RFX7: variants seen among roughly 807,000 people sequenced by gnomAD.
RFX7 encodes DNA-binding protein RFX7.
Under a neutral mutation model 111.8 loss-of-function variants are expected in RFX7, and 26 were observed. The ratio of observed to expected loss-of-function variants is 0.23; its 90% CI spans 0.17 to 0.32. The LOEUF is 0.32. RFX7 is among the 10% of genes least tolerant of loss of function. The probability of loss-of-function intolerance (pLI) is 1.00; values close to 1 mark genes in which losing one functional copy is unlikely to be tolerated. For synonymous variants in RFX7, 624 were observed against 624.4 expected, an observed-to-expected ratio of 1.00 and a Z score of 0.01; for missense variants, 1,573 against 1,772.9, an observed-to-expected ratio of 0.89 and a Z score of 2.02.
At chr15:56,244,822 C>A (rs1392939627), upstream of RFX7, among the ~76,000 whole-genome samples, 3 of 151,912 alleles carry the variant, frequency 2.0e-5, no homozygotes, top group East Asian at 5.8e-4. Context: ...GCACCATTCC[C>A]CCCCTTCCCA....
At chr15:56,225,483 G>A (rs2043472508) in intron 2 of RFX7, among the ~76,000 whole-genome samples, 1 of 152,094 alleles carries the variant, frequency 6.6e-6, no homozygotes, top group South Asian at 2.1e-4. Context: ...AACAATTATA[G>A]AGATTTTATT....
chr15:56,109,880 C>T (rs867579749), intron 5 of RFX7, among the ~76,000 whole-genome samples: 1 of 151,818 alleles, frequency 6.6e-6, no homozygotes, highest in Non-Finnish European at 1.5e-5. Flanking sequence ...TGAGGAGTGT[C>T]TCCGCCCGGC....
At position 56,088,468 on chromosome 15, in the gene RFX7, C is replaced by A. The variant is rs374547482; in HGVS notation, c.*4877G>T. On this transcript the variant is annotated 3_prime_UTR_variant, in exon 10 of 10. Transcript: ENST00000559447. ...CATGATATATTTTATTTATATGACT[C>A]TCTTCTCCTCTCCAAGAATTAAGTA... 6.6e-6 allele frequency: 1 copy of A among 152,120 alleles called. No homozygotes were observed. The highest frequency in any genetic ancestry group is 1.5e-5 in the Non-Finnish European group (1 of 68,014). The allele number at this position is 152,120 out of a possible 1,614,324, so 9.4% of individuals were successfully genotyped here. A position where few individuals can be genotyped will look rare whatever the true frequency, so the allele number is the denominator to read the frequency against.
At chr15:56,139,613 G>A (rs189563080) in intron 5 of RFX7, among the ~76,000 whole-genome samples, 1 of 152,342 alleles carries the variant, frequency 6.6e-6, no homozygotes, top group East Asian at 1.9e-4. Flanking sequence ...TCTTCTCTCT[G>A]CTCCTCAAAG....
chr15:56,193,629 A>G (rs1468556920), intron 2 of RFX7, among the ~76,000 whole-genome samples: 1 of 152,196 alleles, frequency 6.6e-6, no homozygotes, highest in Non-Finnish European at 1.5e-5. Context: ...TATTACATTT[A>G]TGGAACATGC....
chr15:56,123,008 G>A (rs926716893), intron 5 of RFX7, among the ~76,000 whole-genome samples: 4 of 151,842 alleles, frequency 2.6e-5, no homozygotes, highest in Non-Finnish European at 5.9e-5. Flanking sequence ...TAAGAGCCAA[G>A]GCCTGGAATC....
At chr15:56,110,015 C>T (rs1340377912) in intron 5 of RFX7, among the ~76,000 whole-genome samples, 2 of 117,874 alleles carry the variant, frequency 1.7e-5, no homozygotes, top group African/African-American at 3.3e-5. Context: ...AGGCGAGGGG[C>T]GCCTCTGCCC....
At chr15:56,176,753 CA>C (rs1242265026) in intron 3 of RFX7, among the ~76,000 whole-genome samples, 1 of 152,050 alleles carries the variant, frequency 6.6e-6, no homozygotes, top group Non-Finnish European at 1.5e-5. Context: ...TATCAGCAAG[CA>C]AGGCCTACTA....
At chr15:56,124,509 G>A (rs574693407) in intron 5 of RFX7, among the ~76,000 whole-genome samples, 1 of 151,438 alleles carries the variant, frequency 6.6e-6, no homozygotes, top group East Asian at 1.9e-4. Context: ...CCTTTTCTTT[G>A]CATCCTCTCC....
chr15:56,162,805 C>T (rs1337749107), intron 3 of RFX7, among the ~76,000 whole-genome samples: 1 of 152,046 alleles, frequency 6.6e-6, no homozygotes, highest in Non-Finnish European at 1.5e-5. Context: ...CAAAACCAAA[C>T]AAGCTATTTA....
At chr15:56,127,939 G>T (rs896453771) in intron 5 of RFX7, among the ~76,000 whole-genome samples, 4 of 149,810 alleles carry the variant, frequency 2.7e-5, no homozygotes, top group Non-Finnish European at 5.9e-5. Flanking sequence ...AATCATGAAT[G>T]AAAACGGAGG....
At chr15:56,132,806 A>G (rs10851602) in intron 5 of RFX7, among the ~76,000 whole-genome samples, 148,098 of 152,164 alleles carry the variant, frequency 0.97, 72,198 homozygotes, top group East Asian at 1. Flanking sequence ...CATATCAGAA[A>G]GAAATGCATT....
At chr15:56,134,332 C>T (rs1170862570) in intron 5 of RFX7, among the ~76,000 whole-genome samples, 1 of 152,134 alleles carries the variant, frequency 6.6e-6, no homozygotes, top group Non-Finnish European at 1.5e-5. Flanking sequence ...GCTCTAATCA[C>T]TCTTACTATA....
chr15:56,149,676 T>A (rs1296187700), intron 3 of RFX7, among the ~76,000 whole-genome samples: 10 of 152,192 alleles, frequency 6.6e-5, no homozygotes, highest in African/African-American at 2.4e-4. Context: ...GACACTGCGC[T>A]TGTCCCATGG....
chr15:56,161,221 C>T (rs1417636000), intron 3 of RFX7, among the ~76,000 whole-genome samples: 2 of 152,026 alleles, frequency 1.3e-5, no homozygotes, highest in African/African-American at 2.4e-5. Flanking sequence ...CTTCCTAATC[C>T]TGCTGGATGA....
chr15:56,118,820 T>G (rs1455716841), intron 5 of RFX7, among the ~76,000 whole-genome samples: 1 of 152,234 alleles, frequency 6.6e-6, no homozygotes. Flanking sequence ...CAACAGTGTA[T>G]GAAGGTTTCC....
intron 2 of RFX7, among the ~76,000 whole-genome samples, chr15:56,233,303 C>T (rs1200817600): frequency 6.6e-6 from 1 of 152,148 alleles, no homozygotes; most frequent in African/African-American, 2.4e-5. Flanking sequence ...AAAGAAGTTT[C>T]CCTTTATAAA....
chr15:56,209,981 TA>T (rs534723432), intron 2 of RFX7, among the ~76,000 whole-genome samples: 95 of 151,532 alleles, frequency 6.3e-4, no homozygotes, highest in Middle Eastern at 3.4e-3. Context: ...TCCAACTATA[TA>T]AATAATTACT....
chr15:56,099,195 G>A (rs1383663851), intron 8 of RFX7, among the ~76,000 whole-genome samples: 1 of 152,186 alleles, frequency 6.6e-6, no homozygotes, highest in Non-Finnish European at 1.5e-5. Flanking sequence ...TAAAAACAAT[G>A]AAGAGAAGAA....
Sources: allele counts gnomAD v4.1 joint callset (sites outside exome capture counted in the v4.1 genomes callset), GRCh38; gene constraint gnomAD v4.1.1; transcripts MANE v1.5; gene names NCBI Gene and HGNC (gene_info 2026-07-23, HGNC 2026-07-21).